ADARB2: variants seen among roughly 807,000 people sequenced by gnomAD.
ADARB2 encodes the protein adenosine deaminase RNA specific B2 (inactive), also known as inactive double-stranded RNA-specific editase B2.
Under a neutral mutation model 62.2 loss-of-function variants are expected in ADARB2, and 25 were observed. The ratio of observed to expected loss-of-function variants is 0.40; its 90% CI spans 0.29 to 0.56. The LOEUF (loss-of-function observed/expected upper bound fraction) is 0.56, where lower values mean the gene tolerates loss of function less well. Among genes scored for constraint, ADARB2 ranks in the 20% least tolerant of loss-of-function variants. The probability of loss-of-function intolerance (pLI) is 0.43; values close to 1 mark genes in which losing one functional copy is unlikely to be tolerated. For missense variants in ADARB2, 1,071 were observed against 1,077.4 expected (o/e 0.99, Z 0.08); for synonymous variants, 572 against 500.8 (o/e 1.14, Z -1.90).
At chr10:1,583,968 C>T (rs1205433296) in intron 1 of ADARB2, among the ~76,000 whole-genome samples, 2 of 152,188 alleles carry the variant, frequency 1.3e-5, no homozygotes, top group African/African-American at 4.8e-5. Flanking sequence ...ACAAATCTAA[C>T]AGCTTTTGTA....
At chr10:1,394,501 G>A (rs1488595975) in intron 1 of ADARB2, among the ~76,000 whole-genome samples, 3 of 152,166 alleles carry the variant, frequency 2.0e-5, no homozygotes, top group Non-Finnish European at 4.4e-5. Flanking sequence ...TATTCATCAT[G>A]TTCACCAATC....
At chr10:1,642,570 T>C (rs181460532) in intron 1 of ADARB2, among the ~76,000 whole-genome samples, 1 of 152,208 alleles carries the variant, frequency 6.6e-6, no homozygotes, top group Admixed American at 6.5e-5. Flanking sequence ...ATTGGTATAA[T>C]TTATATAAAA....
intron 1 of ADARB2, among the ~76,000 whole-genome samples, 181 bp from the exon 2 acceptor site, chr10:1,379,341 TCTCCA>T (rs1453075022): frequency 1.3e-5 from 2 of 152,170 alleles, no homozygotes; most frequent in Non-Finnish European, 2.9e-5. Context: ...CAAATTCCTC[TCTCCA>T]CTCAATTTAA....
chr10:1,289,416 A>G (rs537196811), intron 3 of ADARB2, among the ~76,000 whole-genome samples: 2 of 152,290 alleles, frequency 1.3e-5, no homozygotes, highest in East Asian at 3.9e-4. Flanking sequence ...TAAACTTTCT[A>G]AATTGGTTGA....
chr10:1,503,135 C>T (rs764193496), intron 1 of ADARB2, among the ~76,000 whole-genome samples: 1 of 152,192 alleles, frequency 6.6e-6, no homozygotes, highest in Non-Finnish European at 1.5e-5. Flanking sequence ...AAATTATTTT[C>T]CTCAAAATAA....
At chr10:1,502,608 G>T (rs1040308656) in intron 1 of ADARB2, among the ~76,000 whole-genome samples, 7 of 152,260 alleles carry the variant, frequency 4.6e-5, no homozygotes, top group Non-Finnish European at 1.0e-4. Context: ...GCTTGCAGGG[G>T]CCTCAGTCCT....
At chr10:1,415,776 T>TCAAAATAAAA (rs1484589498) in intron 1 of ADARB2, among the ~76,000 whole-genome samples, 4 of 152,268 alleles carry the variant, frequency 2.6e-5, no homozygotes, top group African/African-American at 7.2e-5. Flanking sequence ...GATCATAGAG[T>TCAAAATAAAA]CAAAATAAAA....
At chr10:1,639,715 G>A (rs952606059) in intron 1 of ADARB2, among the ~76,000 whole-genome samples, 15 of 152,164 alleles carry the variant, frequency 9.9e-5, no homozygotes, top group Admixed American at 3.9e-4. Flanking sequence ...GGTGGCGGGC[G>A]CCTGTAGTCC....
At chr10:1,353,931 A>C (rs956883490) in intron 3 of ADARB2, among the ~76,000 whole-genome samples, 55 of 152,140 alleles carry the variant, frequency 3.6e-4, no homozygotes, top group African/African-American at 1.3e-3. Flanking sequence ...GTTTACTTAT[A>C]CACAGCCCCG....
intron 1 of ADARB2, among the ~76,000 whole-genome samples, chr10:1,690,344 C>T (rs542012627): frequency 6.6e-6 from 1 of 152,328 alleles, no homozygotes; most frequent in Admixed American, 6.5e-5. Flanking sequence ...TATCTGCTTC[C>T]AGATATTAAA....
At chr10:1,412,749 C>T (rs538334315) in intron 1 of ADARB2, among the ~76,000 whole-genome samples, 13 of 152,232 alleles carry the variant, frequency 8.5e-5, no homozygotes, top group African/African-American at 1.7e-4. Flanking sequence ...GCACGGCTTT[C>T]GGGGCTCATC....
intron 1 of ADARB2, among the ~76,000 whole-genome samples, chr10:1,586,058 A>G (rs1833176901): frequency 6.6e-6 from 1 of 152,132 alleles, no homozygotes; most frequent in Non-Finnish European, 1.5e-5. Context: ...ACAAAAAACA[A>G]AAAACACCCC....
intron 3 of ADARB2, among the ~76,000 whole-genome samples, chr10:1,311,806 T>A (rs1333566218): frequency 1.3e-5 from 2 of 152,256 alleles, no homozygotes; most frequent in Non-Finnish European, 2.9e-5. Context: ...CCTATGATGA[T>A]GGAAGCTTAG....
At position 1,704,628 on chromosome 10, in the gene ADARB2, G is replaced by T. The variant is rs1405908504; in HGVS notation, c.100+32423C>A. Among the ~76,000 whole-genome samples, 1 of 152,198 alleles carries T rather than the reference G, an allele frequency of 6.6e-6. No individual in the cohort carries two copies. Among genetic ancestry groups the T allele is most frequent in the African/African-American group, 2.4e-5 (1 of 41,448 alleles). On this transcript the variant is annotated intron_variant, in intron 1 of 9. Coordinates refer to ENST00000381312, the MANE Select transcript of ADARB2 (RefSeq NM_018702.4). This position sits in a 1 kb window ranked among gnomAD's most constrained non-coding sequence, Gnocchi z 5.6. The stretch of plus-strand genomic sequence containing the variant: ...GGACCAGTACCAGTCCTTGGCCCGG[G>T]GGCTGGAGACGTCTGAGTTAAAGCA...
chr10:1,422,662 G>A (rs1832861348), intron 1 of ADARB2, among the ~76,000 whole-genome samples: 1 of 152,192 alleles, frequency 6.6e-6, no homozygotes, highest in African/African-American at 2.4e-5. Flanking sequence ...AATTGACACA[G>A]TGCCTCAGTT....
intron 1 of ADARB2, among the ~76,000 whole-genome samples, chr10:1,533,751 T>C (rs1234170016): frequency 6.6e-6 from 1 of 152,196 alleles, no homozygotes; most frequent in Non-Finnish European, 1.5e-5. Context: ...ATATTCCATT[T>C]CCTCCTCGGA....
rs1564225314 is a variant in ADARB2 at position 1,220,278 on chromosome 10, A to ATG, written c.1514-3160_1514-3159insCA. On this transcript the variant is annotated intron_variant, in intron 6 of 9. Coordinates refer to ENST00000381312, the MANE Select transcript of ADARB2 (RefSeq NM_018702.4). ...TGGTGATGATGGTGGTGATGATGGT[A>ATG]ATGGTGATGGTGGTGGTGATGGTGG... Among the ~76,000 whole-genome samples, 45 of 69,008 alleles carry ATG rather than the reference A, an allele frequency of 6.5e-4. 1 individual carries two copies. Among genetic ancestry groups the ATG allele is most frequent in the Admixed American group, 5.6e-3 (32 of 5,666 alleles). The allele number at this position is 69,008 out of a possible 152,430, so 45.3% of individuals were successfully genotyped here.
chr10:1,472,701 C>A (rs1236092779), intron 1 of ADARB2, among the ~76,000 whole-genome samples: 2 of 152,098 alleles, frequency 1.3e-5, no homozygotes, highest in African/African-American at 4.8e-5. Context: ...TCACTTTTTG[C>A]CTGTGTTAAG....
chr10:1,731,375 C>A (rs1396819684), intron 1 of ADARB2, among the ~76,000 whole-genome samples: 1 of 152,166 alleles, frequency 6.6e-6, no homozygotes, highest in South Asian at 2.1e-4. Flanking sequence ...TGTCTTGATA[C>A]TAAGACAGTA....
Sources: gnomAD v4.1 joint callset for allele counts (sites outside exome capture counted in the v4.1 genomes callset) on GRCh38, gnomAD v4.1.1 for gene constraint, Gnocchi (gnomAD v3.1) non-coding constraint, MANE v1.5 for transcripts, NCBI Gene and HGNC (gene_info 2026-07-23, HGNC 2026-07-21) for gene names.